Variants in MSRA observed in about 807,000 individuals in gnomAD.
MSRA encodes mitochondrial peptide methionine sulfoxide reductase.
Under a neutral mutation model 31.3 loss-of-function variants are expected in MSRA, and 54 were observed. The ratio of observed to expected loss-of-function variants is 1.73; its 90% CI spans 1.39 to 2.17. The LOEUF is 2.17. Ranked by LOEUF, MSRA falls within the 30% of genes most tolerant of loss-of-function variation. The pLI is 0.00. For missense variants in MSRA, 507 were observed against 300.9 expected (o/e 1.69, Z -5.07); for synonymous variants, 169 against 116.5 (o/e 1.45, Z -2.90).
intron 3 of MSRA, among the ~76,000 whole-genome samples, chr8:10,260,632 C>G (rs572404579): frequency 0.012 from 1,843 of 152,230 alleles, 19 homozygotes; most frequent in Non-Finnish European, 0.017. Flanking sequence ...GACAACATAC[C>G]TGGGCAGAGG....
At chr8:10,428,046 G>A in intron 5 of MSRA, 102 bp from the exon 6 acceptor site, 1 of 1,310,330 alleles carries the variant, frequency 7.6e-7, no homozygotes, top group South Asian at 1.5e-5. Flanking sequence ...CACATCCCAA[G>A]CCACGCGTCT....
intron 5 of MSRA, among the ~76,000 whole-genome samples, chr8:10,394,088 C>A (rs1480514579): frequency 1.3e-5 from 2 of 152,192 alleles, no homozygotes; most frequent in Non-Finnish European, 2.9e-5. Context: ...ATGAGCTAGA[C>A]GGCATCTGCG....
intron 1 of MSRA, among the ~76,000 whole-genome samples, chr8:10,081,524 C>G (rs1179323306): frequency 6.6e-6 from 1 of 152,182 alleles, no homozygotes. Flanking sequence ...GAGTCTTACT[C>G]TGTCACCCAG....
chr8:10,111,944 T>G (rs1330064957), intron 1 of MSRA, among the ~76,000 whole-genome samples: 1 of 152,184 alleles, frequency 6.6e-6, no homozygotes, highest in Non-Finnish European at 1.5e-5. Flanking sequence ...TCATAGCCGC[T>G]TCTTCCTGAT....
chr8:10,334,922 C>G (rs1464940507), intron 5 of MSRA, among the ~76,000 whole-genome samples: 2 of 152,262 alleles, frequency 1.3e-5, no homozygotes, highest in African/African-American at 2.4e-5. Context: ...TCGGGCCCCG[C>G]CGAGCCATCT....
At chr8:10,141,917 G>A (rs951476183) in intron 1 of MSRA, among the ~76,000 whole-genome samples, 9 of 152,184 alleles carry the variant, frequency 5.9e-5, no homozygotes, top group African/African-American at 1.9e-4. Context: ...ACGAGATTTA[G>A]CAGTTGTTTA....
chr8:10,257,013 A>T (rs1798219913), intron 3 of MSRA, among the ~76,000 whole-genome samples: 1 of 152,204 alleles, frequency 6.6e-6, no homozygotes, highest in South Asian at 2.1e-4. Context: ...AAAATATTTT[A>T]AAAATATATT....
chr8:10,142,062 G>A (rs926714221), intron 1 of MSRA, among the ~76,000 whole-genome samples: 2 of 152,184 alleles, frequency 1.3e-5, no homozygotes, highest in African/African-American at 2.4e-5. Flanking sequence ...GGGTTCAAGC[G>A]ATTCTCCTGT....
intron 1 of MSRA, among the ~76,000 whole-genome samples, chr8:10,195,197 G>A (rs1295973726): frequency 6.6e-6 from 1 of 152,206 alleles, no homozygotes; most frequent in African/African-American, 2.4e-5. Flanking sequence ...TGCTATGGAA[G>A]CTCAACTGGG....
At chr8:10,182,192 G>C (rs1806607157) in intron 1 of MSRA, among the ~76,000 whole-genome samples, 1 of 152,116 alleles carries the variant, frequency 6.6e-6, no homozygotes. Flanking sequence ...CAGGTTTCCT[G>C]ATTCCTGACC....
intron 2 of MSRA, among the ~76,000 whole-genome samples, chr8:10,230,845 C>T (rs991042903): frequency 7.9e-5 from 12 of 152,096 alleles, no homozygotes; most frequent in Non-Finnish European, 1.3e-4. Context: ...AGTATAATGG[C>T]GTGATTTTGG....
At chr8:10,252,378 G>A (rs1315232789) in intron 3 of MSRA, among the ~76,000 whole-genome samples, 2 of 152,162 alleles carry the variant, frequency 1.3e-5, no homozygotes, top group Admixed American at 6.5e-5. Context: ...TCATAGTTTT[G>A]TCATTTGGTT....
At chr8:10,068,860 C>G (rs549535152) in intron 1 of MSRA, among the ~76,000 whole-genome samples, 2 of 152,174 alleles carry the variant, frequency 1.3e-5, no homozygotes, top group Non-Finnish European at 2.9e-5. Flanking sequence ...CACTGAATCT[C>G]CAGATCAAGT....
At chr8:10,140,399 A>G (rs924698194) in intron 1 of MSRA, among the ~76,000 whole-genome samples, 1 of 152,202 alleles carries the variant, frequency 6.6e-6, no homozygotes, top group Non-Finnish European at 1.5e-5. Context: ...CCTGAACCCC[A>G]TCATTTGCAT....
At chr8:10,320,649 C>T (rs1801997802) in intron 5 of MSRA, among the ~76,000 whole-genome samples, 1 of 152,176 alleles carries the variant, frequency 6.6e-6, no homozygotes, top group Non-Finnish European at 1.5e-5. Flanking sequence ...CAAACAGTCA[C>T]AGCCTGGTTA....
intron 3 of MSRA, among the ~76,000 whole-genome samples, chr8:10,265,903 T>G (rs533200734): frequency 6.6e-6 from 1 of 152,220 alleles, no homozygotes; most frequent in African/African-American, 2.4e-5. Context: ...TCCACCTGTT[T>G]TGAGATGCAT....
intron 1 of MSRA, among the ~76,000 whole-genome samples, chr8:10,129,528 T>G (rs547938235): frequency 2.6e-5 from 4 of 152,144 alleles, no homozygotes; most frequent in Admixed American, 6.5e-5. Context: ...GCAGGGAAAC[T>G]GAGAGCACCA....
At chr8:10,283,167 C>T (rs1230128221) in intron 3 of MSRA, among the ~76,000 whole-genome samples, 1 of 151,606 alleles carries the variant, frequency 6.6e-6, no homozygotes, top group Non-Finnish European at 1.5e-5. Flanking sequence ...CACACTCTCA[C>T]CCTTCTCTTT....
At chr8:10,177,306 C>G (rs1467214178) in intron 1 of MSRA, among the ~76,000 whole-genome samples, 1 of 152,142 alleles carries the variant, frequency 6.6e-6, no homozygotes. Flanking sequence ...ACTTTGACAA[C>G]TCAATAAACC....
Sources: allele counts gnomAD v4.1 joint callset (sites outside exome capture counted in the v4.1 genomes callset), GRCh38; gene constraint gnomAD v4.1.1; transcripts MANE v1.5; gene names NCBI Gene and HGNC (gene_info 2026-07-23, HGNC 2026-07-21).